ROBO2: variants seen among roughly 807,000 people sequenced by gnomAD.
ROBO2 encodes roundabout homolog 2.
In ROBO2, 53 loss-of-function variants were observed where a neutral mutation model predicts 160.8. The observed-to-expected ratio is 0.33, with a 90% CI of 0.26 to 0.41. The LOEUF (loss-of-function observed/expected upper bound fraction) is 0.41. Among genes scored for constraint, ROBO2 ranks in the 10% least tolerant of loss-of-function variants. The probability of loss-of-function intolerance (pLI) is 1.00; values close to 1 mark genes in which losing one functional copy is unlikely to be tolerated. For synonymous variants in ROBO2, 664 were observed against 611.7 expected, an observed-to-expected ratio of 1.09 and a Z score of -1.26; for missense variants, 1,577 against 1,722.4, an observed-to-expected ratio of 0.92 and a Z score of 1.49.
chr3:75,919,583 A>T (rs1017560718), intron 1 of ROBO2, among the ~76,000 whole-genome samples: 1 of 152,024 alleles, frequency 6.6e-6, no homozygotes, highest in Admixed American at 6.6e-5. Flanking sequence ...CTCTTTTTCT[A>T]TTGTTCAGAA....
intron 2 of ROBO2, among the ~76,000 whole-genome samples, chr3:76,350,127 A>G (rs2108276125): frequency 6.6e-6 from 1 of 152,154 alleles, no homozygotes. Flanking sequence ...TGTACACCCC[A>G]TTATCAATGG....
At chr3:76,950,327 C>G (rs1485349986) in intron 2 of ROBO2, among the ~76,000 whole-genome samples, 1 of 152,146 alleles carries the variant, frequency 6.6e-6, no homozygotes, top group African/African-American at 2.4e-5. Flanking sequence ...AAAGTTTCTT[C>G]TTTCTCTAAC....
chr3:76,357,883 TA>T (rs150678608), intron 2 of ROBO2, among the ~76,000 whole-genome samples: 9,031 of 149,560 alleles, frequency 0.06, 780 homozygotes, highest in African/African-American at 0.19. Flanking sequence ...AAATTATATC[TA>T]AACTTTAAAA....
intron 2 of ROBO2, among the ~76,000 whole-genome samples, chr3:76,516,638 A>G (rs1424965572): frequency 7.5e-6 from 1 of 133,680 alleles, no homozygotes; most frequent in Non-Finnish European, 1.8e-5. Flanking sequence ...TAGGAAAATG[A>G]ATTCTTTAAG....
intron 2 of ROBO2, among the ~76,000 whole-genome samples, chr3:77,344,338 C>G (rs185456165): frequency 1.2e-4 from 18 of 152,274 alleles, no homozygotes; most frequent in Admixed American, 4.6e-4. Context: ...ATGCAATGGA[C>G]TGAACATTTG....
intron 21 of ROBO2, among the ~76,000 whole-genome samples, chr3:77,616,877 A>C (rs2094791595): frequency 6.6e-6 from 1 of 152,154 alleles, no homozygotes; most frequent in Non-Finnish European, 1.5e-5. Context: ...AAAGTTTTTT[A>C]CTACAATAAA....
chr3:76,295,427 A>G (rs748928647), intron 2 of ROBO2, among the ~76,000 whole-genome samples: 89 of 152,110 alleles, frequency 5.9e-4, no homozygotes, highest in Non-Finnish European at 9.9e-4. Context: ...GATGTTTGCA[A>G]TTCTCGGAAG....
chr3:77,286,256 CTT>C (rs10663209), intron 2 of ROBO2, among the ~76,000 whole-genome samples: 67 of 119,800 alleles, frequency 5.6e-4, no homozygotes, highest in African/African-American at 1.7e-3. Context: ...AATTATGGAG[CTT>C]TTTTTTTTTT....
chr3:76,094,225 A>G (rs764655928), intron 2 of ROBO2, among the ~76,000 whole-genome samples: 1 of 152,166 alleles, frequency 6.6e-6, no homozygotes, highest in Admixed American at 6.5e-5. Context: ...TTCTCAAAAT[A>G]ATCAATTCTG....
intron 2 of ROBO2, among the ~76,000 whole-genome samples, chr3:76,544,002 C>T (rs973166024): frequency 2.6e-5 from 4 of 151,914 alleles, no homozygotes; most frequent in Admixed American, 2.6e-4. Context: ...TTCTAATACT[C>T]CTCCCACTGC....
intron 2 of ROBO2, among the ~76,000 whole-genome samples, chr3:76,440,616 C>T (rs2076883240): frequency 1.3e-5 from 2 of 152,082 alleles, no homozygotes; most frequent in Non-Finnish European, 2.9e-5. Flanking sequence ...TAAAACAATA[C>T]CTCACTGTTA....
At chr3:77,644,119 G>T (rs13327835) in intron 24 of ROBO2, among the ~76,000 whole-genome samples, 6,039 of 97,690 alleles carry the variant, frequency 0.062, 225 homozygotes, top group African/African-American at 0.15. Context: ...GAGACAATCT[G>T]TAAAAAAAAA....
chr3:77,329,840 A>G (rs1167570172), intron 2 of ROBO2, among the ~76,000 whole-genome samples: 1 of 152,162 alleles, frequency 6.6e-6, no homozygotes, highest in Admixed American at 6.6e-5. Context: ...CGGCACAATG[A>G]CAGAAACAAT....
chr3:77,082,224 C>T (rs1294964443), intron 1 of ROBO2, among the ~76,000 whole-genome samples: 3 of 152,168 alleles, frequency 2.0e-5, no homozygotes, highest in African/African-American at 7.2e-5. Context: ...TTTGTTATTG[C>T]TATTGTGATA....
chr3:77,607,766 G>A (rs1186923590), intron 20 of ROBO2, 32 bp from the exon 22 acceptor site: 1 of 1,597,692 alleles, frequency 6.3e-7, no homozygotes, highest in South Asian at 1.1e-5. Flanking sequence ...CTGCTATTTG[G>A]CATCTCTGAA....
intron 1 of ROBO2, among the ~76,000 whole-genome samples, chr3:75,924,133 A>G (rs1405944065): frequency 6.6e-6 from 1 of 152,164 alleles, no homozygotes; most frequent in African/African-American, 2.4e-5. Context: ...CTTAGTGTGT[A>G]GGTAGAATAA....
intron 2 of ROBO2, among the ~76,000 whole-genome samples, chr3:76,768,589 T>C (rs2061699233): frequency 6.6e-6 from 1 of 151,180 alleles, no homozygotes; most frequent in African/African-American, 2.4e-5. Flanking sequence ...TAAAAATCAC[T>C]TTCCATTTGA....
chr3:77,385,008 GTTTT>G (rs1245568661), intron 2 of ROBO2, among the ~76,000 whole-genome samples: 1 of 152,034 alleles, frequency 6.6e-6, no homozygotes, highest in Admixed American at 6.6e-5. Flanking sequence ...AATATGAAGG[GTTTT>G]TTGTTTGTTT....
chr3:76,243,854 A>G (rs1253664635), intron 2 of ROBO2, among the ~76,000 whole-genome samples: 1 of 152,196 alleles, frequency 6.6e-6, no homozygotes, highest in African/African-American at 2.4e-5. Flanking sequence ...TAAAATAGAA[A>G]CCAACATTTT....
Sources: gnomAD v4.1 joint callset for allele counts (sites outside exome capture counted in the v4.1 genomes callset) on GRCh38, gnomAD v4.1.1 for gene constraint, MANE v1.5 for transcripts, NCBI Gene and HGNC (gene_info 2026-07-23, HGNC 2026-07-21) for gene names.